The following WASHC4 variants were observed in gnomAD, a reference collection of about 807,000 sequenced individuals.
The protein encoded by WASHC4 is WASH complex subunit 4, also known as WASH complex subunit 7.
In WASHC4, 86 loss-of-function variants were observed where a neutral mutation model predicts 166.6. The ratio of observed to expected loss-of-function variants is 0.52; its 90% CI spans 0.43 to 0.62. WASHC4 has a LOEUF of 0.62. WASHC4 is among the 20% of genes least tolerant of loss of function. WASHC4 has a pLI of 0.00. For synonymous variants in WASHC4, 446 were observed against 451.6 expected (o/e 0.99, Z 0.16); for missense variants, 1,262 against 1,382.4 (o/e 0.91, Z 1.38).
chr12:105,107,767 G>C lies in WASHC4; in HGVS notation c.-34G>C. 2 of 1,522,518 alleles carry C rather than the reference G, an allele frequency of 1.3e-6. No individual in the cohort carries two copies. Among genetic ancestry groups the C allele is most frequent in the Non-Finnish European group, 1.8e-6 (2 of 1,121,446 alleles). The allele number at this position is 1,522,518 out of a possible 1,614,324, so 94.3% of individuals were successfully genotyped here. ...TGAGGCCGTCGTCGCCGCACGGGCTGGTTGGGGCTGTGTCTGTGGGAGGCG... is the reference window on the plus strand; with the variant it reads ...TGAGGCCGTCGTCGCCGCACGGGCTCGTTGGGGCTGTGTCTGTGGGAGGCG... On this transcript the variant is annotated 5_prime_UTR_variant, in exon 1 of 33. Transcript: ENST00000332180.
At chr12:105,148,134 T>A (rs1175131371) in intron 24 of WASHC4, 1 of 985,082 alleles carries the variant, frequency 1.0e-6, no homozygotes, top group Non-Finnish European at 1.2e-6. Flanking sequence ...TAAGTTGGGA[T>A]CATTTAAGTA....
In WASHC4 at chr12:105,141,169, A is replaced by G; in HGVS notation, c.1710A>G (p.Lys570=). ...SLALSVGTQM[K]TFKDEELFPL... ...CCTTTTTTTCCTGTCCCTGATAGAA[A>G]ACATTTAAAGATGAAGAACTCTTTC... Residue 570 remains lysine, a splice_region_variant and synonymous_variant, in exon 18 of 33, where the codon AAA becomes AAG. Coordinates refer to ENST00000332180, the MANE Select transcript of WASHC4 (RefSeq NM_015275.3). 6.2e-7 allele frequency: 1 copy of G among 1,613,436 alleles called. No homozygotes were observed.
rs181545465 is a variant in WASHC4, at chr12:105,153,752, A to C, written c.2758+1301A>C. Among the ~76,000 whole-genome samples the C allele has an allele frequency of 4.5e-3, 686 of 152,274 alleles. 3 individuals carry two copies. Among genetic ancestry groups the C allele is most frequent in the Non-Finnish European group, 7.1e-3 (483 of 68,008 alleles). On this transcript the variant is annotated intron_variant, in intron 26 of 32. Coordinates refer to ENST00000332180, the MANE Select transcript of WASHC4 (RefSeq NM_015275.3). ...TTACTTAAGTTTTATTTATACACAT[A>C]CCCAGAATTTTTGCATCCTGTTAAT...
chr12:105,158,310 C>T (rs1241038767), intron 28 of WASHC4, among the ~76,000 whole-genome samples: 1 of 152,090 alleles, frequency 6.6e-6, no homozygotes, highest in Non-Finnish European at 1.5e-5. Flanking sequence ...TTATTAATTA[C>T]AAAGGAGAAA....
chr12:105,160,130 T>C lies in WASHC4; in HGVS notation c.3042T>C (p.Tyr1014=). The change falls in exon 29 of 33, where the codon TAT becomes TAC. Residue 1014 remains tyrosine (Y), a synonymous_variant. Coordinates refer to ENST00000332180, the MANE Select transcript of WASHC4 (RefSeq NM_015275.3). ...AGAATATACATCTCCGAAATTTCTA[T>C]ATAATTGTTCCCCCTCTGGTGAGTA... The part of the protein sequence containing the change: ...RPKNIHLRNF[Y]IIVPPLTLNF... 1 of 1,613,840 alleles carries C rather than the reference T, an allele frequency of 6.2e-7. No homozygotes were observed. Among genetic ancestry groups the C allele is most frequent in the Non-Finnish European group, 8.5e-7 (1 of 1,179,742 alleles).
chr12:105,121,937 G>A (rs1358005293), intron 9 of WASHC4, among the ~76,000 whole-genome samples, 181 bp from the exon 10 acceptor site: 1 of 152,100 alleles, frequency 6.6e-6, no homozygotes, highest in Admixed American at 6.5e-5. Context: ...GAGGCATTTT[G>A]ATTGAAGATG....
Position 105,127,226 on chromosome 12 carries a change from G to A in WASHC4, c.1136G>A (p.Ser379Asn), listed in dbSNP as rs764426596. Residue 379 changes from serine to asparagine, a missense_variant, in exon 13 of 33, where the codon AGT becomes AAT. Transcript: ENST00000332180. ...PAAAKLLDRK[S>N]LQAIKIHRDT... Reference sequence around the variant, plus strand: ...GCTGCCAAACTGCTAGACAGAAAAAGTCTTCAAGCCATTAAAATACACAGG... The same window carrying A: ...GCTGCCAAACTGCTAGACAGAAAAAATCTTCAAGCCATTAAAATACACAGG... 2.5e-6 allele frequency: 4 copies of A among 1,612,592 alleles called. No homozygotes were observed. The highest frequency in any genetic ancestry group is 2.7e-5 in the African/African-American group (2 of 74,870).
chr12:105,149,192 A>G (rs1883541272), intron 24 of WASHC4: 1 of 985,262 alleles, frequency 1.0e-6, no homozygotes, highest in Non-Finnish European at 1.2e-6. Flanking sequence ...AGGAAGGTTC[A>G]GAGAACACCA....
intron 13 of WASHC4, among the ~76,000 whole-genome samples, chr12:105,131,997 A>G (rs1881867224): frequency 6.6e-6 from 1 of 152,130 alleles, no homozygotes; most frequent in African/African-American, 2.4e-5. Context: ...GTGGGATTCT[A>G]AACGTAATTG....
intron 30 of WASHC4, among the ~76,000 whole-genome samples, chr12:105,163,247 CAT>C (rs1884614328): frequency 2.0e-5 from 3 of 152,156 alleles, no homozygotes; most frequent in Non-Finnish European, 2.9e-5. Context: ...CATGAGCCAC[CAT>C]GCCCGGCCTA....
chr12:105,118,428 C>T lies in WASHC4; in HGVS notation c.436-18C>T, dbSNP rs749481375. On this transcript the variant is annotated intron_variant, in intron 6 of 32. Coordinates refer to ENST00000332180, the MANE Select transcript of WASHC4 (RefSeq NM_015275.3). ...TTAAAGAGTAACTTTATAATATATA[C>T]CCACCTTCTCGTTTCAGGAACTGTC... The T allele has an allele frequency of 1.9e-6, 3 of 1,552,388 alleles. No individual in the cohort carries two copies. The highest frequency in any genetic ancestry group is 1.7e-5 in the Admixed American group (1 of 59,938).
chr12:105,117,961 A>G (rs1461782620), intron 6 of WASHC4, among the ~76,000 whole-genome samples: 1 of 152,198 alleles, frequency 6.6e-6, no homozygotes, highest in Non-Finnish European at 1.5e-5. Flanking sequence ...ATACGATTAC[A>G]GGTGATCAGT....
rs1880125825 is a variant in WASHC4, at chr12:105,115,783, A to G, written c.435+55A>G. 1.1e-5 allele frequency: 12 copies of G among 1,100,432 alleles called. No homozygotes were observed. In the South Asian group the frequency reaches 1.2e-4, roughly 11 times the overall value. The allele number at this position is 1,100,432 out of a possible 1,614,324, so 68.2% of individuals were successfully genotyped here. A position where few individuals can be genotyped will look rare whatever the true frequency, so the allele number is the denominator to read the frequency against. On this transcript the variant is annotated intron_variant, in intron 6 of 32. Coordinates refer to ENST00000332180, the MANE Select transcript of WASHC4 (RefSeq NM_015275.3). ...TTACTTCAAAAAGTTTGAGTAAATTACACAACACGTAAAAAGTTCTGAAAC... is the reference window on the plus strand; with the variant it reads ...TTACTTCAAAAAGTTTGAGTAAATTGCACAACACGTAAAAAGTTCTGAAAC...
Position 105,164,702 on chromosome 12 carries a change from C to T in WASHC4, c.3416C>T (p.Thr1139Ile), listed in dbSNP as rs752877796. The change falls in exon 32 of 33, where the codon ACT (threonine) becomes ATT (isoleucine). Residue 1139 changes from threonine (T) to isoleucine (I), a missense_variant. By Grantham distance (89) the Thr-to-Ile change is moderately conservative. Transcript: ENST00000332180. Reference protein sequence around the residue: ...SARIFFRADKTAAEENQEKKE... With the variant: ...SARIFFRADKIAAEENQEKKE... ...AGAATTTTCTTCAGAGCAGACAAGACTGCGGCTGAAGAAAACCAAGAAAAG... is the reference window on the plus strand; with the variant it reads ...AGAATTTTCTTCAGAGCAGACAAGATTGCGGCTGAAGAAAACCAAGAAAAG... The T allele has an allele frequency of 9.9e-6, 16 of 1,613,288 alleles. No individual in the cohort carries two copies. Among genetic ancestry groups the T allele is most frequent in the Non-Finnish European group, 1.4e-5 (16 of 1,179,634 alleles).
chr12:105,124,546 T>A (rs1381695507), intron 10 of WASHC4, among the ~76,000 whole-genome samples: 1 of 152,058 alleles, frequency 6.6e-6, no homozygotes, highest in Non-Finnish European at 1.5e-5. Context: ...AGTGGCGTAA[T>A]CTTTGCTCAC....
chr12:105,115,625 A>G, intron 5 of WASHC4, 36 bp from the exon 6 acceptor site: 1 of 1,523,008 alleles, frequency 6.6e-7, no homozygotes, highest in South Asian at 1.1e-5. Flanking sequence ...TTAAATTTAA[A>G]AAATGAAATA....
intron 13 of WASHC4, among the ~76,000 whole-genome samples, chr12:105,132,914 G>A (rs942831116): frequency 6.6e-6 from 1 of 151,782 alleles, no homozygotes; most frequent in South Asian, 2.1e-4. Flanking sequence ...CACTTCCACT[G>A]TTCCTATTCT....
intron 7 of WASHC4, among the ~76,000 whole-genome samples, chr12:105,119,456 G>C (rs1880512042): frequency 6.6e-6 from 1 of 152,134 alleles, no homozygotes; most frequent in Admixed American, 6.5e-5. Flanking sequence ...TTTTGGCACT[G>C]TTCTTTTGGT....
chr12:105,146,102 C>T (rs1883269552), intron 22 of WASHC4, among the ~76,000 whole-genome samples: 2 of 152,064 alleles, frequency 1.3e-5, no homozygotes, highest in Admixed American at 6.5e-5. Context: ...TTCTGACTAC[C>T]TTTTAGAATC....
Sources: allele counts gnomAD v4.1 joint callset (sites outside exome capture counted in the v4.1 genomes callset), GRCh38; gene constraint gnomAD v4.1.1; transcripts MANE v1.5; gene names NCBI Gene and HGNC (gene_info 2026-07-23, HGNC 2026-07-21).